RAB38: variants seen among roughly 807,000 people sequenced by gnomAD.
RAB38 encodes the protein RAB38, member RAS oncogene family, also known as ras-related protein Rab-38.
In RAB38, 15 loss-of-function variants were observed where a neutral mutation model predicts 18.4. That is an observed-to-expected ratio of 0.82 (90% CI 0.55 to 1.26). The LOEUF is 1.26. Ranked by LOEUF, RAB38 falls within the 50% of genes most tolerant of loss-of-function variation. The pLI is 0.00. For missense variants in RAB38, 294 were observed against 267.4 expected, an observed-to-expected ratio of 1.10 and a Z score of -0.69; for synonymous variants, 101 against 104.4, an observed-to-expected ratio of 0.97 and a Z score of 0.20.
the RAB38 span, among the ~76,000 whole-genome samples, chr11:87,838,973 A>T: frequency 6.4e-4 from 97 of 152,204 alleles, no homozygotes; most frequent in Non-Finnish European, 1.2e-3. Context: ...CATGGCTGAG[A>T]ATCTAATCCA....
At chr11:88,158,886 C>G (rs1943156366) in intron 1 of RAB38, among the ~76,000 whole-genome samples, 1 of 151,960 alleles carries the variant, frequency 6.6e-6, no homozygotes, top group African/African-American at 2.4e-5. Flanking sequence ...CTCATTGTGC[C>G]TATTGAACAC....
the RAB38 span, among the ~76,000 whole-genome samples, chr11:88,083,829 C>A: frequency 6.6e-6 from 1 of 151,948 alleles, no homozygotes; most frequent in African/African-American, 2.4e-5. Context: ...ACACTGAACA[C>A]ACCGATGCTT....
At chr11:88,017,161 T>C in the RAB38 span, among the ~76,000 whole-genome samples, 990 of 152,022 alleles carry the variant, frequency 6.5e-3, 8 homozygotes, top group African/African-American at 0.023. Flanking sequence ...TACACAACCA[T>C]GGACATGAGA....
chr11:88,124,028 A>G (rs1565210099), intron 2 of RAB38, among the ~76,000 whole-genome samples: 1 of 152,230 alleles, frequency 6.6e-6, no homozygotes, highest in Non-Finnish European at 1.5e-5. Flanking sequence ...TTCTCCAGAT[A>G]GCATAAATGA....
chr11:87,900,053 A>T, the RAB38 span, among the ~76,000 whole-genome samples: 6 of 151,458 alleles, frequency 4.0e-5, no homozygotes, highest in East Asian at 1.2e-3. Context: ...CATGCTGGAG[A>T]TATGATGAAA....
chr11:88,040,999 A>T, the RAB38 span, among the ~76,000 whole-genome samples: 1 of 152,312 alleles, frequency 6.6e-6, no homozygotes, highest in East Asian at 1.9e-4. Context: ...ACAACCAAAT[A>T]AATATAGAAG....
the RAB38 span, among the ~76,000 whole-genome samples, chr11:88,010,187 TA>T: frequency 6.6e-6 from 1 of 152,190 alleles, no homozygotes; most frequent in Admixed American, 6.5e-5. Flanking sequence ...AGGGATGCTT[TA>T]TATGTAATAC....
the RAB38 span, among the ~76,000 whole-genome samples, chr11:88,047,687 A>T: frequency 6.6e-6 from 1 of 152,214 alleles, no homozygotes; most frequent in Non-Finnish European, 1.5e-5. Flanking sequence ...AGGAAGCTAG[A>T]GTCATTCACT....
At chr11:87,921,515 T>C in the RAB38 span, among the ~76,000 whole-genome samples, 1 of 150,196 alleles carries the variant, frequency 6.7e-6, no homozygotes, top group African/African-American at 2.4e-5. Flanking sequence ...TATGGGTTTA[T>C]TGAGAAATAA....
the RAB38 span, among the ~76,000 whole-genome samples, chr11:88,058,152 C>CT: frequency 2.0e-5 from 3 of 152,196 alleles, no homozygotes; most frequent in African/African-American, 7.2e-5. Context: ...AATCATTTCT[C>CT]TGGGGCCTCA....
chr11:88,104,079 G>T, the RAB38 span, among the ~76,000 whole-genome samples: 2 of 152,050 alleles, frequency 1.3e-5, no homozygotes, highest in Non-Finnish European at 2.9e-5. Flanking sequence ...GTGGGCTTTG[G>T]CAACACTTTC....
At chr11:87,812,851 A>G in the RAB38 span, among the ~76,000 whole-genome samples, 9,769 of 152,316 alleles carry the variant, frequency 0.064, 345 homozygotes, top group African/African-American at 0.086. Context: ...TTAGAGAAAT[A>G]TAGCCTATCA....
chr11:88,031,713 C>T, the RAB38 span, among the ~76,000 whole-genome samples: 1 of 151,434 alleles, frequency 6.6e-6, no homozygotes, highest in Non-Finnish European at 1.5e-5. Context: ...CAAACCACTG[C>T]TCAAGGAAAT....
chr11:88,135,458 T>C lies in RAB38; in HGVS notation c.483+14217A>G, dbSNP rs369288057. 6.6e-5 allele frequency among the ~76,000 whole-genome samples: 10 copies of C among 152,362 alleles called. No homozygotes were observed. The East Asian group carries it at 9.6e-4, about 15-fold the overall frequency. On this transcript the variant is annotated intron_variant, in intron 2 of 2. Transcript: ENST00000243662. ...AGATAAAACCGTAAAATAAAGTACT[T>C]AGACCACAGGTTAAGTTAAACTGCT...
At chr11:87,893,510 A>T in the RAB38 span, among the ~76,000 whole-genome samples, 9,943 of 150,614 alleles carry the variant, frequency 0.066, 389 homozygotes, top group South Asian at 0.12. Context: ...CCTTTTTAAA[A>T]AATTGTAGTA....
the RAB38 span, among the ~76,000 whole-genome samples, chr11:87,965,833 G>A: frequency 6.6e-6 from 1 of 152,132 alleles, no homozygotes; most frequent in Non-Finnish European, 1.5e-5. Flanking sequence ...AAATGGAAGT[G>A]GGAATTTGTG....
At chr11:87,900,999 C>T in the RAB38 span, among the ~76,000 whole-genome samples, 3 of 151,572 alleles carry the variant, frequency 2.0e-5, no homozygotes, top group Non-Finnish European at 4.4e-5. Flanking sequence ...AACTCTCATT[C>T]CATTTTTAAC....
At chr11:87,829,844 A>G in the RAB38 span, among the ~76,000 whole-genome samples, 2 of 152,306 alleles carry the variant, frequency 1.3e-5, no homozygotes, top group East Asian at 3.9e-4. Flanking sequence ...TGAAATTTCA[A>G]CTTTACTAAT....
intron 2 of RAB38, among the ~76,000 whole-genome samples, chr11:88,122,117 C>A (rs1040772922): frequency 6.6e-6 from 1 of 151,992 alleles, no homozygotes; most frequent in Non-Finnish European, 1.5e-5. Context: ...ACATCCTCGC[C>A]TTTTTTGCAC....
Sources: allele counts gnomAD v4.1 joint callset (sites outside exome capture counted in the v4.1 genomes callset), GRCh38; gene constraint gnomAD v4.1.1; transcripts MANE v1.5; gene names NCBI Gene and HGNC (gene_info 2026-07-23, HGNC 2026-07-21).